The following VASH2 variants were observed in gnomAD, a reference collection of about 807,000 sequenced individuals.
VASH2 encodes the protein tubulinyl-Tyr carboxypeptidase 2.
VASH2 carries 28 observed loss-of-function variants against 37.2 expected under a neutral mutation model. The ratio of observed to expected loss-of-function variants is 0.75; its 90% CI spans 0.56 to 1.03. The LOEUF (loss-of-function observed/expected upper bound fraction) is 1.03, where lower values mean the gene tolerates loss of function less well. Among genes scored for constraint, VASH2 ranks in the 50% least tolerant of loss-of-function variants. The pLI, the probability that VASH2 is intolerant of heterozygous loss-of-function variation, is 0.00. For missense variants in VASH2, 419 were observed against 459.1 expected, an observed-to-expected ratio of 0.91 and a Z score of 0.80; for synonymous variants, 188 against 174.7, an observed-to-expected ratio of 1.08 and a Z score of -0.60.
At chr1:212,973,514 G>A (rs1667073517) in intron 6 of VASH2, 1 of 1,290,476 alleles carries the variant, frequency 7.7e-7, no homozygotes. Flanking sequence ...CACTCTGCAG[G>A]ACCTGGAGTG....
intron 7 of VASH2, among the ~76,000 whole-genome samples, chr1:212,977,886 T>G (rs1459506206): frequency 6.6e-6 from 1 of 152,208 alleles, no homozygotes; most frequent in African/African-American, 2.4e-5. Flanking sequence ...TACCGTTTGC[T>G]TCAGCCGCAG....
At chr1:212,983,666 G>A (rs1157211558) in intron 7 of VASH2, among the ~76,000 whole-genome samples, 1 of 152,188 alleles carries the variant, frequency 6.6e-6, no homozygotes, top group Non-Finnish European at 1.5e-5. Flanking sequence ...GTAGTGGATT[G>A]TGATGGTAGG....
In VASH2 at chr1:212,951,803, C is replaced by G. The variant is rs1332108570; in HGVS notation, c.261C>G (p.Ala87=). 6.2e-7 allele frequency: 1 copy of G among 1,605,386 alleles called. No individual in the cohort carries two copies. The highest frequency in any genetic ancestry group is 8.5e-7 in the Non-Finnish European group (1 of 1,178,014). ...AAATGGTGGGCGCCATCAGGAACGCCGCCTTCTTGGCAAAGGTCAGTGGCT... is the reference window on the plus strand; with the variant it reads ...AAATGGTGGGCGCCATCAGGAACGCGGCCTTCTTGGCAAAGGTCAGTGGCT... ...GGEMVGAIRN[A]AFLAKPSIPQ... The change falls in exon 2 of 8, where the codon GCC becomes GCG. Residue 87 remains alanine, a synonymous_variant. Coordinates refer to ENST00000517399, the MANE Select transcript of VASH2 (RefSeq NM_001301056.2). This position sits in a 1 kb window ranked among gnomAD's most constrained non-coding sequence, Gnocchi z 4.4.
Position 212,988,622 on chromosome 1 carries a change from CTTCTCT to C in VASH2, c.*39_*44del. ...GGCCAGCAAGAGGGTTTCTGTGGTG[CTTCTCT>C]CTGCACTTTACCCAGCATCTTCAGG... is the stretch of plus-strand genomic sequence containing the variant. On this transcript the variant is annotated 3_prime_UTR_variant, in exon 8 of 8. Coordinates refer to ENST00000517399, the MANE Select transcript of VASH2 (RefSeq NM_001301056.2). 1.3e-6 allele frequency: 2 copies of C among 1,597,212 alleles called. No homozygotes were observed. Among genetic ancestry groups the C allele is most frequent in the African/African-American group, 2.7e-5 (2 of 74,662 alleles).
intron 3 of VASH2, among the ~76,000 whole-genome samples, chr1:212,962,057 A>G (rs1345514253): frequency 6.6e-6 from 1 of 152,182 alleles, no homozygotes; most frequent in Non-Finnish European, 1.5e-5. Flanking sequence ...TTGGTTCTAC[A>G]TGAATGGTTC....
Position 212,966,318 on chromosome 1 carries a change from A to T in VASH2, c.470A>T (p.Lys157Ile). 5.2e-6 allele frequency: 8 copies of T among 1,551,718 alleles called. No individual in the cohort carries two copies. Among genetic ancestry groups the T allele is most frequent in the Non-Finnish European group, 7.0e-6 (8 of 1,146,996 alleles). Residue 157 changes from lysine to isoleucine, a missense_variant, in exon 5 of 8, where the codon AAA becomes ATA. Physicochemically the swap from Lys to Ile is moderately radical, Grantham distance 102. Transcript: ENST00000517399. ...ATGACCCGAGAGTCCTTGCCTATCA[A>T]ATGCCTTGAAGCTGTCATCCTGGGC... is the stretch of plus-strand genomic sequence containing the variant. ...KEMTRESLPI[K>I]CLEAVILGIY...
In VASH2 at chr1:212,988,728, G is replaced by A. The variant is rs2075824378; in HGVS notation, c.*144G>A. On this transcript the variant is annotated 3_prime_UTR_variant, in exon 8 of 8. Transcript: ENST00000517399. ...TCACCTGGAAATAGAATCTGAGTGGGTGGTAACCATTAGCTTTAAAAAATT... is the reference window on the plus strand; with the variant it reads ...TCACCTGGAAATAGAATCTGAGTGGATGGTAACCATTAGCTTTAAAAAATT... 2.2e-6 allele frequency: 2 copies of A among 897,472 alleles called. No individual in the cohort carries two copies. The highest frequency in any genetic ancestry group is 3.1e-5 in the South Asian group (2 of 63,846). The allele number at this position is 897,472 out of a possible 1,614,324, so 55.6% of individuals were successfully genotyped here. A position where few individuals can be genotyped will look rare whatever the true frequency, so the allele number is the denominator to read the frequency against.
chr1:212,970,977 GC>G (rs540305198), intron 5 of VASH2, among the ~76,000 whole-genome samples: 1 of 150,446 alleles, frequency 6.6e-6, no homozygotes, highest in African/African-American at 2.5e-5. Flanking sequence ...CCCCCCTCCA[GC>G]CCCTGCCCAC....
chr1:212,965,952 TCTGA>T, intron 4 of VASH2, 174 bp downstream of exon 4: 1 of 639,298 alleles, frequency 1.6e-6, no homozygotes. Context: ...ACTGAGCAAC[TCTGA>T]CAGTGGAGCT....
At chr1:212,988,477 C>T in intron 7 of VASH2, 35 bp from the exon 8 acceptor site, 1 of 1,609,544 alleles carries the variant, frequency 6.2e-7, no homozygotes, top group African/African-American at 1.3e-5. Context: ...GCCCCATCCC[C>T]TCTCCTCCAC....
chr1:212,973,913 C>T lies in VASH2; in HGVS notation c.880-42C>T, dbSNP rs1206692415. ...TAGAAGAAGACCTGAGGGTGGAGGT[C>T]CCTTAGGAACCAGGGTGATTAACTC... On this transcript the variant is annotated intron_variant, in intron 6 of 7. Coordinates refer to ENST00000517399, the MANE Select transcript of VASH2 (RefSeq NM_001301056.2). 6 of 1,595,190 alleles carry T rather than the reference C, an allele frequency of 3.8e-6. No individual in the cohort carries two copies. In the East Asian group the frequency reaches 6.8e-5, roughly 18 times the overall value.
chr1:212,976,342 A>G (rs1286600273), intron 7 of VASH2, among the ~76,000 whole-genome samples: 1 of 152,200 alleles, frequency 6.6e-6, no homozygotes, highest in East Asian at 1.9e-4. Flanking sequence ...ACACTTTGAG[A>G]GGCCAAGGAG....
chr1:212,982,240 G>C (rs143274210), intron 7 of VASH2, among the ~76,000 whole-genome samples: 1 of 152,210 alleles, frequency 6.6e-6, no homozygotes, highest in African/African-American at 2.4e-5. Context: ...GGGACTGTCT[G>C]TGCATGTGGA....
At chr1:212,962,977 C>CT (rs113122383) in intron 3 of VASH2, among the ~76,000 whole-genome samples, 1,804 of 147,416 alleles carry the variant, frequency 0.012, 37 homozygotes, top group African/African-American at 0.036. Context: ...CTCCCCATCT[C>CT]TTTTTTTTTT....
intron 7 of VASH2, among the ~76,000 whole-genome samples, chr1:212,976,752 G>C (rs1667185531): frequency 6.6e-6 from 1 of 152,190 alleles, no homozygotes; most frequent in Non-Finnish European, 1.5e-5. Flanking sequence ...CTGGTGTTGA[G>C]GCACCACTTG....
chr1:212,983,615 T>C (rs1444384303), intron 7 of VASH2, among the ~76,000 whole-genome samples: 1 of 152,176 alleles, frequency 6.6e-6, no homozygotes, highest in East Asian at 1.9e-4. Flanking sequence ...ATTTAAGCCA[T>C]AGCAAATGTA....
chr1:212,966,993 C>T, intron 5 of VASH2: 1 of 739,374 alleles, frequency 1.4e-6, no homozygotes, highest in Non-Finnish European at 2.1e-6. Context: ...GATCCGCCCA[C>T]CTCAGCCTCC....
In VASH2 at chr1:212,950,823, C is replaced by A. The variant is rs542477339; in HGVS notation, c.-205+83C>A. The stretch of plus-strand genomic sequence containing the variant: ...CCTCCCGGTGATAGGCGCTGGAACT[C>A]GGGGAAAAGGGGGCGGATGGAGCTC... On this transcript the variant is annotated intron_variant, in intron 1 of 7. Coordinates refer to ENST00000517399, the MANE Select transcript of VASH2 (RefSeq NM_001301056.2). The surrounding 1 kb of genome is among the most constrained non-coding windows in gnomAD (Gnocchi z 5.5). The A allele has an allele frequency of 3.9e-5, 6 of 153,098 alleles. No homozygotes were observed. The South Asian group carries it at 9.3e-4, about 24-fold the overall frequency. The allele number at this position is 153,098 out of a possible 1,614,324, so 9.5% of individuals were successfully genotyped here.
intron 5 of VASH2, chr1:212,968,314 A>G (rs773114989): frequency 5.1e-6 from 5 of 985,476 alleles, no homozygotes; most frequent in Non-Finnish European, 6.0e-6. Flanking sequence ...GAGCCCATGA[A>G]AGAGACTTAA....
Sources: allele counts gnomAD v4.1 joint callset (sites outside exome capture counted in the v4.1 genomes callset), GRCh38; gene constraint gnomAD v4.1.1; non-coding constraint Gnocchi (gnomAD v3.1); transcripts MANE v1.5; gene names NCBI Gene and HGNC (gene_info 2026-07-23, HGNC 2026-07-21).